PCDHGA6: variants seen among roughly 807,000 people sequenced by gnomAD.
PCDHGA6 encodes the protein protocadherin gamma-A6.
A neutral mutation model predicts 60.6 loss-of-function variants in PCDHGA6; 41 were observed. The observed-to-expected ratio is 0.68, with a 90% CI of 0.53 to 0.88. The LOEUF (loss-of-function observed/expected upper bound fraction) is 0.88, where lower values mean the gene tolerates loss of function less well. Ranked by LOEUF, PCDHGA6 falls within the 40% of genes least tolerant of loss-of-function variation. The pLI, the probability that PCDHGA6 is intolerant of heterozygous loss-of-function variation, is 0.00. For missense variants in PCDHGA6, 1,312 were observed against 1,203.0 expected, an observed-to-expected ratio of 1.09 and a Z score of -1.34; for synonymous variants, 594 against 524.4, an observed-to-expected ratio of 1.13 and a Z score of -1.81.
intron 1 of PCDHGA6, among the ~76,000 whole-genome samples, chr5:141,480,976 T>G (rs1485868136): frequency 6.6e-6 from 1 of 152,108 alleles, no homozygotes; most frequent in Non-Finnish European, 1.5e-5. Context: ...GGAGAATCAG[T>G]GAACCCAGGA....
At chr5:141,443,980 T>A (rs2098412674) in intron 1 of PCDHGA6, among the ~76,000 whole-genome samples, 1 of 152,036 alleles carries the variant, frequency 6.6e-6, no homozygotes, top group South Asian at 2.1e-4. Context: ...CTAAGCTATG[T>A]TAATTTTATT....
intron 1 of PCDHGA6, among the ~76,000 whole-genome samples, chr5:141,482,435 A>G (rs2099559555): frequency 6.6e-6 from 1 of 150,568 alleles, no homozygotes; most frequent in South Asian, 2.1e-4. Flanking sequence ...GATAATACTG[A>G]TATTCACCAT....
chr5:141,424,134 A>G (rs1255504512), intron 1 of PCDHGA6: 7 of 444,220 alleles, frequency 1.6e-5, no homozygotes, highest in Non-Finnish European at 2.2e-5. Context: ...TTGATTTAAT[A>G]GCATGCTCCC....
chr5:141,410,329 G>A, intron 1 of PCDHGA6: 4 of 1,613,982 alleles, frequency 2.5e-6, no homozygotes, highest in Non-Finnish European at 3.4e-6. Flanking sequence ...CCGTGATTCT[G>A]GCCATTGCCT....
Position 141,410,368 on chromosome 5 carries a change from T to C in PCDHGA6, c.2424+33861T>C, listed in dbSNP as rs751198926. 5.6e-6 allele frequency: 9 copies of C among 1,613,956 alleles called. No homozygotes were observed. The African/African-American group carries it at 1.2e-4, about 22-fold the overall frequency. On this transcript the variant is annotated intron_variant, in intron 1 of 3. Coordinates refer to ENST00000517434, the MANE Select transcript of PCDHGA6 (RefSeq NM_018919.3). Reference sequence around the variant, plus strand: ...GCCTGCGACGCTCTCTCAGCCCTGCTACTTGGGACTGCTTCCATCCTGGTC... The same window carrying C: ...GCCTGCGACGCTCTCTCAGCCCTGCCACTTGGGACTGCTTCCATCCTGGTC...
intron 1 of PCDHGA6, chr5:141,385,140 G>T: frequency 1.9e-6 from 3 of 1,614,190 alleles, no homozygotes; most frequent in Non-Finnish European, 2.5e-6. Context: ...ACGGGGTGCA[G>T]GCTTTCCTGC....
At chr5:141,393,442 T>G (rs932289283) in intron 1 of PCDHGA6, 3 of 1,614,056 alleles carry the variant, frequency 1.9e-6, no homozygotes, top group Non-Finnish European at 2.5e-6. Context: ...GCTCACCACC[T>G]GGTCCTCACG....
rs2099695548 is a variant in PCDHGA6, at chr5:141,490,059, C to T, written c.2425-4748C>T. On this transcript the variant is annotated intron_variant, in intron 1 of 3. Coordinates refer to ENST00000517434, the MANE Select transcript of PCDHGA6 (RefSeq NM_018919.3). The surrounding 1 kb of genome is among the most constrained non-coding windows in gnomAD (Gnocchi z 5.4). ...ATGCCACTGATCCAGACGAGGGCAC[C>T]AACGGCCAACTAGACTATTCTTTTG... 1.2e-6 allele frequency: 2 copies of T among 1,614,242 alleles called. No individual in the cohort carries two copies. The highest frequency in any genetic ancestry group is 1.7e-6 in the Non-Finnish European group (2 of 1,180,030).
chr5:141,453,926 T>C (rs1274875429), intron 1 of PCDHGA6, among the ~76,000 whole-genome samples: 1 of 152,256 alleles, frequency 6.6e-6, no homozygotes, highest in Non-Finnish European at 1.5e-5. Flanking sequence ...GATCAGTCAC[T>C]GTGTGCCTAT....
At chr5:141,419,555 G>A (rs1411289369) in intron 1 of PCDHGA6, 3 of 1,611,876 alleles carry the variant, frequency 1.9e-6, no homozygotes, top group South Asian at 1.1e-5. Context: ...GCTGTACCCT[G>A]CGCTGGGTCC....
At chr5:141,427,825 C>T (rs1342117815) in intron 1 of PCDHGA6, 2 of 1,536,464 alleles carry the variant, frequency 1.3e-6, no homozygotes, top group Non-Finnish European at 1.8e-6. Flanking sequence ...GTGGTGGTCG[C>T]GCAGCGTGCC....
chr5:141,497,824 T>G (rs1164705269), intron 2 of PCDHGA6, among the ~76,000 whole-genome samples: 1 of 152,086 alleles, frequency 6.6e-6, no homozygotes, highest in African/African-American at 2.4e-5. Flanking sequence ...ACAGGTGTGA[T>G]CGCCCCCGGC....
At position 141,511,239 on chromosome 5, in the gene PCDHGA6, C is replaced by A; in HGVS notation, c.*66C>A. On this transcript the variant is annotated 3_prime_UTR_variant, in exon 4 of 4. Coordinates refer to ENST00000517434, the MANE Select transcript of PCDHGA6 (RefSeq NM_018919.3). ...AACCAGCCCAGCTTCTCCTTACCTG[C>A]ACCCAGGCCTCAGAGTTTCAGGGCT... 1 of 1,587,938 alleles carries A rather than the reference C, an allele frequency of 6.3e-7. No homozygotes were observed. Among genetic ancestry groups the A allele is most frequent in the Admixed American group, 1.8e-5 (1 of 55,480 alleles).
chr5:141,419,368 C>T, intron 1 of PCDHGA6: 1 of 1,613,776 alleles, frequency 6.2e-7, no homozygotes, highest in Non-Finnish European at 8.5e-7. Context: ...CGCTGTCGTC[C>T]TACGTGTCCG....
intron 1 of PCDHGA6, among the ~76,000 whole-genome samples, chr5:141,473,542 G>A (rs1444751260): frequency 6.6e-6 from 1 of 152,176 alleles, no homozygotes; most frequent in Non-Finnish European, 1.5e-5. Flanking sequence ...GGGGCCTAAT[G>A]GAAGACCTCT....
At chr5:141,423,837 A>G (rs73792199) in intron 1 of PCDHGA6, 16,285 of 1,277,458 alleles carry the variant, frequency 0.013, 610 homozygotes, top group African/African-American at 0.098. Context: ...TGAGATTACG[A>G]TAATCTTTCA....
intron 1 of PCDHGA6, among the ~76,000 whole-genome samples, chr5:141,484,774 C>T (rs1269490742): frequency 6.6e-6 from 1 of 151,782 alleles, no homozygotes; most frequent in Non-Finnish European, 1.5e-5. Context: ...ATGTTGTCTG[C>T]CTCCCCACAG....
intron 1 of PCDHGA6, chr5:141,399,213 T>G (rs2093770836): frequency 6.2e-7 from 1 of 1,613,970 alleles, no homozygotes; most frequent in East Asian, 2.2e-5. Context: ...GAACACTAAT[T>G]GCTTTGATCA....
intron 1 of PCDHGA6, chr5:141,410,849 C>CTTTTTTTTTCTTTTTTTTTTT (rs2095433801): frequency 7.7e-6 from 1 of 129,786 alleles, no homozygotes; most frequent in Non-Finnish European, 1.3e-5. Context: ...TTGTCTTTGT[C>CTTTTTTTTTCTTTTTTTTTTT]TTTTTTTTTT....
Sources: allele counts gnomAD v4.1 joint callset (sites outside exome capture counted in the v4.1 genomes callset), GRCh38; gene constraint gnomAD v4.1.1; non-coding constraint Gnocchi (gnomAD v3.1); transcripts MANE v1.5; gene names NCBI Gene and HGNC (gene_info 2026-07-23, HGNC 2026-07-21).